Variants in RBMS3 observed in about 807,000 individuals in gnomAD.
RBMS3 encodes RNA-binding motif, single-stranded-interacting protein 3.
In RBMS3, 27 loss-of-function variants were observed where a neutral mutation model predicts 66.8. The observed-to-expected ratio is 0.40, with a 90% CI of 0.30 to 0.56. The LOEUF is 0.56. RBMS3 is among the 20% of genes least tolerant of loss of function. The probability of loss-of-function intolerance (pLI) is 0.40; values close to 1 mark genes in which losing one functional copy is unlikely to be tolerated. For missense variants in RBMS3, 513 were observed against 549.5 expected, an observed-to-expected ratio of 0.93 and a Z score of 0.66; for synonymous variants, 188 against 183.0, an observed-to-expected ratio of 1.03 and a Z score of -0.22.
intron 4 of RBMS3, among the ~76,000 whole-genome samples, chr3:29,639,625 A>AGAGAGAGAGAGAGAGAG: frequency 8.2e-6 from 1 of 122,268 alleles, no homozygotes; most frequent in African/African-American, 3.3e-5. Context: ...GAGAGAGAGA[A>AGAGAGAGAGAGAGAGAG]TGATCAGAAT....
At chr3:29,613,401 A>G (rs960982070) in intron 4 of RBMS3, among the ~76,000 whole-genome samples, 8 of 151,956 alleles carry the variant, frequency 5.3e-5, no homozygotes. Context: ...TTTTTGATGG[A>G]CCCTCATGTT....
At chr3:29,976,549 G>A (rs951413161) in intron 12 of RBMS3, among the ~76,000 whole-genome samples, 1 of 152,010 alleles carries the variant, frequency 6.6e-6, no homozygotes, top group Non-Finnish European at 1.5e-5. Flanking sequence ...AAGAATATAG[G>A]AAGAACTGAA....
intron 10 of RBMS3, among the ~76,000 whole-genome samples, chr3:29,916,276 T>A (rs546842489): frequency 1.3e-5 from 2 of 152,136 alleles, no homozygotes; most frequent in South Asian, 4.1e-4. Context: ...CTATACAGAT[T>A]CAATTTATTA....
intron 4 of RBMS3, among the ~76,000 whole-genome samples, chr3:29,604,613 T>C (rs2048260323): frequency 6.6e-6 from 1 of 152,032 alleles, no homozygotes; most frequent in Non-Finnish European, 1.5e-5. Context: ...CTAAAATAGA[T>C]ATCATGCTAC....
At chr3:29,465,075 GAC>G (rs1392788650) in intron 2 of RBMS3, among the ~76,000 whole-genome samples, 2 of 152,106 alleles carry the variant, frequency 1.3e-5, no homozygotes, top group Non-Finnish European at 2.9e-5. Context: ...TAACAATAAA[GAC>G]ATTAATTTAT....
chr3:29,548,315 A>C (rs1182006921), intron 3 of RBMS3, among the ~76,000 whole-genome samples: 2 of 152,028 alleles, frequency 1.3e-5, no homozygotes, highest in Non-Finnish European at 2.9e-5. Flanking sequence ...CTGTTGGTCT[A>C]GCTACTCAGG....
chr3:29,712,935 G>A (rs568142870), intron 4 of RBMS3, among the ~76,000 whole-genome samples: 1 of 152,122 alleles, frequency 6.6e-6, no homozygotes, highest in Admixed American at 6.5e-5. Flanking sequence ...ATAATTATGT[G>A]AGTCAGTTCC....
Position 30,004,934 on chromosome 3 carries a change from AAAAAAAAAAAC to A in RBMS3, c.*1082_*1092del, listed in dbSNP as rs1223239735. The A allele has an allele frequency of 9.1e-5, 11 of 120,604 alleles. No homozygotes were observed. The highest frequency in any genetic ancestry group is 4.3e-3 in the Middle Eastern group (1 of 230). The allele number at this position is 120,604 out of a possible 1,614,324, so 7.5% of individuals were successfully genotyped here. On this transcript the variant is annotated 3_prime_UTR_variant, in exon 15 of 15. Transcript: ENST00000383767. ...ATAGGAGCTTATGGTCAAAAAGTGCAAAAAAAAAAACAAAAAAAAAGCAATAGATAGAGAAA... is the reference window on the plus strand; with the variant it reads ...ATAGGAGCTTATGGTCAAAAAGTGCAAAAAAAAAAGCAATAGATAGAGAAA...
At chr3:29,700,597 A>G (rs1254485787) in intron 4 of RBMS3, among the ~76,000 whole-genome samples, 1 of 152,208 alleles carries the variant, frequency 6.6e-6, no homozygotes, top group East Asian at 1.9e-4. Flanking sequence ...TGGTAATTAT[A>G]GAACATGTAT....
intron 1 of RBMS3, among the ~76,000 whole-genome samples, chr3:29,414,087 A>G (rs950544480): frequency 6.6e-6 from 1 of 152,158 alleles, no homozygotes; most frequent in Admixed American, 6.5e-5. Context: ...AGGTTTTAGG[A>G]TGAAGCATTA....
intron 6 of RBMS3, among the ~76,000 whole-genome samples, chr3:29,867,538 G>A (rs11922333): frequency 6.9e-6 from 1 of 144,508 alleles, no homozygotes; most frequent in Non-Finnish European, 1.5e-5. Flanking sequence ...AGCATGTTAA[G>A]GATGACGTAC....
chr3:29,860,672 T>C lies in RBMS3; in HGVS notation c.638-8186T>C, dbSNP rs2059190383. Among the ~76,000 whole-genome samples, 3 of 152,134 alleles carry C rather than the reference T, an allele frequency of 2.0e-5. No individual in the cohort carries two copies. The South Asian group carries it at 6.2e-4, about 31-fold the overall frequency. ...ACTTTGCCAGGAGCAAAGTTTAGAG[T>C]AGTGCCAGTATTAGTTGGTATTGAA... On this transcript the variant is annotated intron_variant, in intron 6 of 14. Transcript: ENST00000383767.
intron 1 of RBMS3, among the ~76,000 whole-genome samples, chr3:29,410,674 G>A (rs1245405762): frequency 6.6e-6 from 1 of 152,136 alleles, no homozygotes; most frequent in Non-Finnish European, 1.5e-5. Context: ...GGTGGTGAAG[G>A]TTTTTAAATT....
chr3:30,004,086 TAA>T lies in RBMS3; in HGVS notation c.*225_*226del, dbSNP rs1252503484. On this transcript the variant is annotated 3_prime_UTR_variant, in exon 15 of 15. Coordinates refer to ENST00000383767, the MANE Select transcript of RBMS3 (RefSeq NM_001003793.3). ...CAATTTATTTTTGCCATCATTTTTT[TAA>T]TTAAAGAAAAAATTTCCAGAAGAGG... 1 of 363,242 alleles carries T rather than the reference TAA, an allele frequency of 2.8e-6. No individual in the cohort carries two copies. The highest frequency in any genetic ancestry group is 4.9e-6 in the Non-Finnish European group (1 of 204,404). 22.5% of individuals were successfully genotyped at this position (363,242 alleles called of 1,614,324 possible).
At chr3:29,321,091 G>T (rs922327490) in intron 1 of RBMS3, among the ~76,000 whole-genome samples, 4 of 152,006 alleles carry the variant, frequency 2.6e-5, no homozygotes, top group African/African-American at 9.7e-5. Context: ...CATAGGGCAG[G>T]AACCTTAAGA....
At chr3:29,839,489 G>A (rs1329863376) in intron 6 of RBMS3, among the ~76,000 whole-genome samples, 2 of 151,886 alleles carry the variant, frequency 1.3e-5, no homozygotes, top group Admixed American at 6.6e-5. Flanking sequence ...AAACTCTTAA[G>A]AAGTTTCATA....
intron 4 of RBMS3, among the ~76,000 whole-genome samples, chr3:29,701,517 C>A (rs2052574924): frequency 1.3e-5 from 2 of 152,102 alleles, no homozygotes; most frequent in Admixed American, 1.3e-4. Flanking sequence ...ACTATGGGAG[C>A]CCCTCTCTGG....
At chr3:29,801,830 C>A (rs2057401066) in intron 6 of RBMS3, among the ~76,000 whole-genome samples, 2 of 151,976 alleles carry the variant, frequency 1.3e-5, no homozygotes, top group South Asian at 4.1e-4. Context: ...CAAATTATAC[C>A]ACTTCTCTTT....
intron 4 of RBMS3, among the ~76,000 whole-genome samples, chr3:29,694,194 T>G (rs896853446): frequency 3.3e-5 from 5 of 152,164 alleles, no homozygotes; most frequent in African/African-American, 9.7e-5. Flanking sequence ...CATGGCTACA[T>G]TAGTTGCCTC....
Sources: gnomAD v4.1 joint callset for allele counts (sites outside exome capture counted in the v4.1 genomes callset) on GRCh38, gnomAD v4.1.1 for gene constraint, MANE v1.5 for transcripts, NCBI Gene and HGNC (gene_info 2026-07-23, HGNC 2026-07-21) for gene names.